Variants in FAM8A1 observed in about 807,000 individuals in gnomAD.
FAM8A1 encodes family with sequence similarity 8 member A1, also known as protein FAM8A1.
A neutral mutation model predicts 38.3 loss-of-function variants in FAM8A1; 18 were observed. The ratio of observed to expected loss-of-function variants is 0.47; its 90% CI spans 0.33 to 0.70. FAM8A1 has a LOEUF of 0.70. FAM8A1 is among the 30% of genes least tolerant of loss of function. The pLI is 0.03. For missense variants in FAM8A1, 559 were observed against 559.6 expected (o/e 1.00, Z 0.01); for synonymous variants, 246 against 234.4 (o/e 1.05, Z -0.45).
chr6:17,601,622 T>C (rs9371004), intron 1 of FAM8A1, among the ~76,000 whole-genome samples: 71,986 of 152,136 alleles, frequency 0.47, 17,550 homozygotes, highest in Middle Eastern at 0.76. Flanking sequence ...GATCAATATC[T>C]TGTATATTGT....
rs55952324 is a variant in FAM8A1, at chr6:17,600,340, T to G, written c.-70T>G. On this transcript the variant is annotated 5_prime_UTR_variant, in exon 1 of 5. Coordinates refer to ENST00000259963, the MANE Select transcript of FAM8A1 (RefSeq NM_016255.3). ...GTTGCTGCGGTGGTGACGGGGCTGT[T>G]GGGGAGGGGCCATTGGGGGAGGGAA... The G allele has an allele frequency of 3.9e-3, 5,164 of 1,320,710 alleles. 165 individuals carry two copies. In the African/African-American group the frequency reaches 0.07, roughly 18 times the overall value. The allele number at this position is 1,320,710 out of a possible 1,614,324, so 81.8% of individuals were successfully genotyped here.
rs140275453 is a variant in FAM8A1, at chr6:17,609,914, T to C, written c.*1575T>C. On this transcript the variant is annotated 3_prime_UTR_variant, in exon 5 of 5. Transcript: ENST00000259963. ...CACATTTGATTATAGAAACTTAATGTCTATTAATAATTTTAGTACAAAATT... is the reference window on the plus strand; with the variant it reads ...CACATTTGATTATAGAAACTTAATGCCTATTAATAATTTTAGTACAAAATT... 13 of 152,328 alleles carry C rather than the reference T, an allele frequency of 8.5e-5. No individual in the cohort carries two copies. Among genetic ancestry groups the C allele is most frequent in the African/African-American group, 3.1e-4 (13 of 41,580 alleles). 9.4% of individuals were successfully genotyped at this position (152,328 alleles called of 1,614,324 possible). A position where few individuals can be genotyped will look rare whatever the true frequency, so the allele number is the denominator to read the frequency against.
chr6:17,606,734 G>C (rs559465057), intron 4 of FAM8A1, among the ~76,000 whole-genome samples: 1 of 152,216 alleles, frequency 6.6e-6, no homozygotes, highest in African/African-American at 2.4e-5. Flanking sequence ...TGTTAGGTGA[G>C]AGCTTGTAAT....
chr6:17,605,771 C>A lies in FAM8A1; in HGVS notation c.958-103C>A, dbSNP rs1581641030. On this transcript the variant is annotated intron_variant, in intron 3 of 4. Transcript: ENST00000259963. ...TTTTGAGTATTCTATGCAATTCTTT[C>A]AACTTGAAAAATTTAAAACATGAAA... 25 of 1,219,736 alleles carry A rather than the reference C, an allele frequency of 2.0e-5. No individual in the cohort carries two copies. In the East Asian group the frequency reaches 4.0e-4, roughly 20 times the overall value. The allele number at this position is 1,219,736 out of a possible 1,614,324, so 75.6% of individuals were successfully genotyped here.
Position 17,609,692 on chromosome 6 carries a change from A to G in FAM8A1, c.*1353A>G, listed in dbSNP as rs1475221204. 2.0e-5 allele frequency: 3 copies of G among 152,020 alleles called. No homozygotes were observed. The highest frequency in any genetic ancestry group is 4.1e-4 in the South Asian group (2 of 4,824). The allele number at this position is 152,020 out of a possible 1,614,324, so 9.4% of individuals were successfully genotyped here. ...ATGGTTTAAGTTTTGATTCTTAGGTATTTTCTCCAGCTCTGACATTGTTTT... is the reference window on the plus strand; with the variant it reads ...ATGGTTTAAGTTTTGATTCTTAGGTGTTTTCTCCAGCTCTGACATTGTTTT... On this transcript the variant is annotated 3_prime_UTR_variant, in exon 5 of 5. Coordinates refer to ENST00000259963, the MANE Select transcript of FAM8A1 (RefSeq NM_016255.3).
rs369877891 is a variant in FAM8A1, at chr6:17,602,963, T to C, written c.833+253T>C. Among the ~76,000 whole-genome samples, 14 of 152,324 alleles carry C rather than the reference T, an allele frequency of 9.2e-5. No individual in the cohort carries two copies. In the East Asian group the frequency reaches 2.3e-3, roughly 25 times the overall value. On this transcript the variant is annotated intron_variant, in intron 2 of 4. Coordinates refer to ENST00000259963, the MANE Select transcript of FAM8A1 (RefSeq NM_016255.3). The stretch of plus-strand genomic sequence containing the variant: ...CTATCAAAAATAGGTAAAAAGAGCC[T>C]CCAAACCTGCTTTGATTTTATTCAC...
At chr6:17,602,515 A>G in intron 1 of FAM8A1, 75 bp from the exon 2 acceptor site, 1 of 1,410,272 alleles carries the variant, frequency 7.1e-7, no homozygotes, top group Non-Finnish European at 9.5e-7. Flanking sequence ...TTAGCAATTC[A>G]TTACATGGCT....
In FAM8A1 at chr6:17,610,279, T is replaced by G. The variant is rs1452003532; in HGVS notation, c.*1940T>G. 1 of 152,138 alleles carries G rather than the reference T, an allele frequency of 6.6e-6. No homozygotes were observed. Among genetic ancestry groups the G allele is most frequent in the Non-Finnish European group, 1.5e-5 (1 of 67,984 alleles). 9.4% of individuals were successfully genotyped at this position (152,138 alleles called of 1,614,324 possible). ...TAATTGAATAGTTTGCCATCGAGATTATTTTCATTTATACTATAAAACAAA... is the reference window on the plus strand; with the variant it reads ...TAATTGAATAGTTTGCCATCGAGATGATTTTCATTTATACTATAAAACAAA... On this transcript the variant is annotated 3_prime_UTR_variant, in exon 5 of 5. Transcript: ENST00000259963.
Position 17,610,928 on chromosome 6 carries a change from A to T in FAM8A1, c.*2589A>T, listed in dbSNP as rs1392810886. On this transcript the variant is annotated 3_prime_UTR_variant, in exon 5 of 5. Transcript: ENST00000259963. ...TAATGCACCTTGAGAAAAATCTGGC[A>T]TACTGAATAAATAACATTAACTTGG... is the stretch of plus-strand genomic sequence containing the variant. 1 of 152,178 alleles carries T rather than the reference A, an allele frequency of 6.6e-6. No individual in the cohort carries two copies. The highest frequency in any genetic ancestry group is 6.5e-5 in the Admixed American group (1 of 15,268). The allele number at this position is 152,178 out of a possible 1,614,324, so 9.4% of individuals were successfully genotyped here.
chr6:17,607,276 AAAC>A (rs1341224404), intron 4 of FAM8A1, among the ~76,000 whole-genome samples: 3 of 150,908 alleles, frequency 2.0e-5, no homozygotes, highest in Non-Finnish European at 4.4e-5. Flanking sequence ...AAAAAAAACA[AAAC>A]AAAACTGGTA....
Position 17,609,816 on chromosome 6 carries a change from G to C in FAM8A1, c.*1477G>C, listed in dbSNP as rs1330102427. ...GGTCTTAAATTTAACAGCAAACACA[G>C]CACATATCTATTATCACTATATTAA... On this transcript the variant is annotated 3_prime_UTR_variant, in exon 5 of 5. Transcript: ENST00000259963. The C allele has an allele frequency of 6.6e-6, 1 of 152,068 alleles. No individual in the cohort carries two copies. Among genetic ancestry groups the C allele is most frequent in the Non-Finnish European group, 1.5e-5 (1 of 67,990 alleles). 9.4% of individuals were successfully genotyped at this position (152,068 alleles called of 1,614,324 possible).
In FAM8A1 at chr6:17,608,926, C is replaced by T. The variant is rs1764096688; in HGVS notation, c.*587C>T. On this transcript the variant is annotated 3_prime_UTR_variant, in exon 5 of 5. Coordinates refer to ENST00000259963, the MANE Select transcript of FAM8A1 (RefSeq NM_016255.3). ...ACCTGAAGTTTTCAAATCCATACTG[C>T]AGTTCCCTCTCGTAATGATGTAACT... is the stretch of plus-strand genomic sequence containing the variant. 6.6e-6 allele frequency: 1 copy of T among 152,206 alleles called. No individual in the cohort carries two copies. 9.4% of individuals were successfully genotyped at this position (152,206 alleles called of 1,614,324 possible).
chr6:17,605,845 T>C (rs749732457), intron 3 of FAM8A1, 29 bp from the exon 4 acceptor site: 2 of 1,485,490 alleles, frequency 1.3e-6, no homozygotes, highest in Non-Finnish European at 1.8e-6. Flanking sequence ...GTTGAGCCAG[T>C]AATTTTTAAA....
chr6:17,600,489 C>A lies in FAM8A1; in HGVS notation c.80C>A (p.Ser27Tyr). 1 of 1,531,428 alleles carries A rather than the reference C, an allele frequency of 6.5e-7. No homozygotes were observed. The highest frequency in any genetic ancestry group is 8.7e-7 in the Non-Finnish European group (1 of 1,143,574). The allele number at this position is 1,531,428 out of a possible 1,614,324, so 94.9% of individuals were successfully genotyped here. A position where few individuals can be genotyped will look rare whatever the true frequency, so the allele number is the denominator to read the frequency against. The part of the protein sequence containing the change: ...DGGGDHEPVP[S>Y]LRGPPTTAVP... ...GGAGGGGACCACGAGCCCGTCCCTT[C>A]CCTGAGAGGCCCTCCTACCACCGCC... is the stretch of plus-strand genomic sequence containing the variant. The change falls in exon 1 of 5, where the codon TCC becomes TAC. Residue 27 changes from serine to tyrosine, a missense_variant. Transcript: ENST00000259963.
chr6:17,603,992 C>G (rs536372356), intron 2 of FAM8A1, among the ~76,000 whole-genome samples: 6 of 152,218 alleles, frequency 3.9e-5, no homozygotes, highest in African/African-American at 1.2e-4. Flanking sequence ...TTATCTCAAT[C>G]CAGTCTCTGA....
At chr6:17,604,861 T>G in intron 2 of FAM8A1, 45 bp from the exon 3 acceptor site, 1 of 1,500,620 alleles carries the variant, frequency 6.7e-7, no homozygotes, top group Non-Finnish European at 9.0e-7. Context: ...GTGCTACTGT[T>G]CTGGTAACTA....
chr6:17,606,671 T>C (rs919425024), intron 4 of FAM8A1, among the ~76,000 whole-genome samples: 1 of 152,300 alleles, frequency 6.6e-6, no homozygotes, highest in South Asian at 2.1e-4. Context: ...TTATTCCATC[T>C]TGAATAGGCA....
chr6:17,603,883 G>T (rs1764018794), intron 2 of FAM8A1, among the ~76,000 whole-genome samples: 2 of 151,880 alleles, frequency 1.3e-5, no homozygotes, highest in African/African-American at 4.8e-5. Flanking sequence ...ACCACACCTG[G>T]CCCATTTTTT....
In FAM8A1 at chr6:17,600,506, A is replaced by G. The variant is rs766975092; in HGVS notation, c.97A>G (p.Thr33Ala). 9 of 1,532,758 alleles carry G rather than the reference A, an allele frequency of 5.9e-6. No individual in the cohort carries two copies. The highest frequency in any genetic ancestry group is 7.9e-6 in the Non-Finnish European group (9 of 1,144,302). The allele number at this position is 1,532,758 out of a possible 1,614,324, so 94.9% of individuals were successfully genotyped here. A position where few individuals can be genotyped will look rare whatever the true frequency, so the allele number is the denominator to read the frequency against. Reference sequence around the variant, plus strand: ...CGTCCCTTCCCTGAGAGGCCCTCCTACCACCGCCGTCCCATGCCCCCGCGA... The same window carrying G: ...CGTCCCTTCCCTGAGAGGCCCTCCTGCCACCGCCGTCCCATGCCCCCGCGA... ...EPVPSLRGPP[T>A]TAVPCPRDDP... The change falls in exon 1 of 5, where the codon ACC becomes GCC. Residue 33 changes from threonine to alanine, a missense_variant. Thr to Ala is a moderately conservative substitution (Grantham distance 58). Around this residue, in one of 2 missense-constraint regions of FAM8A1, gnomAD observed 393 missense variants for 338.9 expected, o/e 1.16. Transcript: ENST00000259963.
Sources: allele counts gnomAD v4.1 joint callset (sites outside exome capture counted in the v4.1 genomes callset), GRCh38; gene constraint gnomAD v4.1.1; regional missense constraint gnomAD v4.1.1; transcripts MANE v1.5; gene names NCBI Gene and HGNC (gene_info 2026-07-23, HGNC 2026-07-21).